The following PRDM11 variants were observed in gnomAD, a reference collection of about 807,000 sequenced individuals.
The protein encoded by PRDM11 is PR domain-containing protein 11.
A neutral mutation model predicts 97.8 loss-of-function variants in PRDM11; 20 were observed. The observed-to-expected ratio is 0.20, with a 90% CI of 0.14 to 0.30. PRDM11 has a LOEUF of 0.30. Ranked by LOEUF, PRDM11 falls within the 10% of genes least tolerant of loss-of-function variation. The pLI is 1.00. For synonymous variants in PRDM11, 599 were observed against 637.7 expected, an observed-to-expected ratio of 0.94 and a Z score of 0.91; for missense variants, 1,139 against 1,555.2, an observed-to-expected ratio of 0.73 and a Z score of 4.50.
chr11:45,197,453 G>A lies in PRDM11; in HGVS notation c.487-7258G>A, dbSNP rs2135778698. ...CATAGAGCCTATAGTTTACTGTATT[G>A]CATGCTTAAAAATTTGCTAAAAGGG... On this transcript the variant is annotated intron_variant, in intron 4 of 7. Coordinates refer to ENST00000683152, the MANE Select transcript of PRDM11 (RefSeq NM_001384648.1). Among the ~76,000 whole-genome samples, 2 of 152,172 alleles carry A rather than the reference G, an allele frequency of 1.3e-5. 1 individual carries two copies. Among genetic ancestry groups the A allele is most frequent in the South Asian group, 4.2e-4 (2 of 4,816 alleles).
chr11:45,142,156 C>G (rs369421127), upstream of PRDM11, among the ~76,000 whole-genome samples: 36 of 152,312 alleles, frequency 2.4e-4, no homozygotes, highest in East Asian at 6.0e-3. Flanking sequence ...GAAAACAAAT[C>G]AAGTTCCGGG....
At chr11:45,213,059 C>T in intron 5 of PRDM11, 1 of 447,656 alleles carries the variant, frequency 2.2e-6, no homozygotes, top group African/African-American at 2.0e-5. Flanking sequence ...CTAGTCTGCA[C>T]TAGGAGGAAG....
intron 6 of PRDM11, among the ~76,000 whole-genome samples, chr11:45,223,834 G>A (rs1854186898): frequency 1.3e-5 from 2 of 152,256 alleles, no homozygotes; most frequent in South Asian, 2.1e-4. Context: ...AAAGGTTGGG[G>A]GAGTTGATAC....
At chr11:45,199,243 C>G (rs1376269875) in intron 4 of PRDM11, among the ~76,000 whole-genome samples, 3 of 152,148 alleles carry the variant, frequency 2.0e-5, no homozygotes, top group Non-Finnish European at 4.4e-5. Flanking sequence ...GTGAGGAAGT[C>G]CTTTTTTCAG....
rs1590477573 is a variant in PRDM11, at chr11:45,224,692, C to G, written c.1218C>G (p.Pro406=). The G allele has an allele frequency of 3.7e-6, 6 of 1,614,192 alleles. No homozygotes were observed. The East Asian group carries it at 1.3e-4, about 36-fold the overall frequency. Residue 406 remains proline, a synonymous_variant, in exon 7 of 8, where the codon CCC becomes CCG. Coordinates refer to ENST00000683152, the MANE Select transcript of PRDM11 (RefSeq NM_001384648.1). ...TTGCATCTGACCCTCATGAACTTCC[C>G]ACCACCTCTTTTTGCCCTAACTGTA... The part of the protein sequence containing the change: ...ASLASDPHEL[P]TTSFCPNCIR...
rs371524798 is a variant in PRDM11 at position 45,160,630 on chromosome 11, C to T, written c.-7+13753C>T. On this transcript the variant is annotated intron_variant, in intron 1 of 7. Transcript: ENST00000683152. Reference sequence around the variant, plus strand: ...CCACACAGTAGGTTTTAGAAAGGATCGTCATTTAACCATCCCCCCACCACT... The same window carrying T: ...CCACACAGTAGGTTTTAGAAAGGATTGTCATTTAACCATCCCCCCACCACT... Among the ~76,000 whole-genome samples the T allele has an allele frequency of 4.6e-5, 7 of 152,316 alleles. No homozygotes were observed. In the South Asian group the frequency reaches 1.2e-3, roughly 27 times the overall value.
At position 45,180,428 on chromosome 11, in the gene PRDM11, C is replaced by T. The variant is rs560435390; in HGVS notation, c.-6-1333C>T. On this transcript the variant is annotated intron_variant, in intron 1 of 7. Coordinates refer to ENST00000683152, the MANE Select transcript of PRDM11 (RefSeq NM_001384648.1). ...GCTGGGGACACCCGCCCGGCCTCCGCGGCGCTGTCGCCCAGCCCTGGCACC... is the reference window on the plus strand; with the variant it reads ...GCTGGGGACACCCGCCCGGCCTCCGTGGCGCTGTCGCCCAGCCCTGGCACC... Among the ~76,000 whole-genome samples the T allele has an allele frequency of 3.0e-4, 46 of 152,122 alleles. No homozygotes were observed. In the Middle Eastern group the frequency reaches 0.01, roughly 34 times the overall value.
chr11:45,226,473 G>A lies in PRDM11; in HGVS notation c.1848G>A (p.Leu616=). 3 of 1,533,986 alleles carry A rather than the reference G, an allele frequency of 2.0e-6. No individual in the cohort carries two copies. The highest frequency in any genetic ancestry group is 2.6e-6 in the Non-Finnish European group (3 of 1,146,724). ...YLDFRPLAEL[L]RKCELKVVDQ... ...ACTTCCGGCCCCTGGCGGAGCTGCT[G>A]AGGAAGTGTGAGCTCAAGGTGGTGG... is the stretch of plus-strand genomic sequence containing the variant. Residue 616 remains leucine (L), a synonymous_variant, in exon 8 of 8, where the codon CTG becomes CTA. Coordinates refer to ENST00000683152, the MANE Select transcript of PRDM11 (RefSeq NM_001384648.1).
At chr11:45,096,674 C>T (rs1590333491) in intron 1 of PRDM11, among the ~76,000 whole-genome samples, 1 of 152,226 alleles carries the variant, frequency 6.6e-6, no homozygotes, top group African/African-American at 2.4e-5. Flanking sequence ...ACCTCCCAAG[C>T]AGCCTCTTCA....
chr11:45,173,131 G>A (rs1024025966), intron 1 of PRDM11, among the ~76,000 whole-genome samples: 1 of 152,196 alleles, frequency 6.6e-6, no homozygotes, highest in Non-Finnish European at 1.5e-5. Context: ...GGAGGGAGGT[G>A]GCATTGCTAG....
intron 1 of PRDM11, among the ~76,000 whole-genome samples, chr11:45,176,238 G>A (rs1466509512): frequency 6.6e-6 from 1 of 152,082 alleles, no homozygotes; most frequent in Non-Finnish European, 1.5e-5. Context: ...TTAGGCAGGT[G>A]TGGTGGCAGG....
chr11:45,121,697 T>C (rs1012244683), intron 1 of PRDM11, among the ~76,000 whole-genome samples: 1 of 152,130 alleles, frequency 6.6e-6, no homozygotes, highest in Non-Finnish European at 1.5e-5. Context: ...CAATGGGTCA[T>C]AAAGCAATTA....
chr11:45,179,413 TGAA>T (rs1217442419), intron 1 of PRDM11, among the ~76,000 whole-genome samples: 1 of 152,184 alleles, frequency 6.6e-6, no homozygotes, highest in African/African-American at 2.4e-5. Flanking sequence ...ATTTTCTAGA[TGAA>T]GAAATGAGAA....
intron 1 of PRDM11, among the ~76,000 whole-genome samples, chr11:45,171,077 T>TTTGTTG (rs370741198): frequency 1.3e-5 from 2 of 151,976 alleles, no homozygotes; most frequent in Admixed American, 1.3e-4. Flanking sequence ...TTATGGGTTT[T>TTTGTTG]TTGTTGTTGT....
chr11:45,127,850 T>C (rs923569109), intron 1 of PRDM11, among the ~76,000 whole-genome samples: 1 of 152,220 alleles, frequency 6.6e-6, no homozygotes, highest in Non-Finnish European at 1.5e-5. Flanking sequence ...TCCAGCTGCG[T>C]GCTGGGAGAA....
chr11:45,141,589 G>A (rs1176411047), intron 1 of PRDM11, among the ~76,000 whole-genome samples: 3 of 152,222 alleles, frequency 2.0e-5, no homozygotes, highest in Non-Finnish European at 2.9e-5. Context: ...GGTGCACACA[G>A]CCAGAGCCAC....
At chr11:45,185,846 T>C (rs1385617560) in intron 4 of PRDM11, among the ~76,000 whole-genome samples, 3 of 151,854 alleles carry the variant, frequency 2.0e-5, no homozygotes, top group East Asian at 1.9e-4. Context: ...AAGTTAAGGA[T>C]CTTGAGATGG....
intron 1 of PRDM11, among the ~76,000 whole-genome samples, chr11:45,117,170 C>T (rs1468386342): frequency 7.1e-6 from 1 of 140,612 alleles, no homozygotes; most frequent in African/African-American, 2.7e-5. Flanking sequence ...TGCAATGAGC[C>T]GAGATAATAC....
chr11:45,193,067 T>TTTTA (rs1852971326), intron 4 of PRDM11, among the ~76,000 whole-genome samples: 1 of 152,238 alleles, frequency 6.6e-6, no homozygotes, highest in Non-Finnish European at 1.5e-5. Flanking sequence ...CTGGGAAATC[T>TTTTA]TTTATTTATG....
Sources: allele counts gnomAD v4.1 joint callset (sites outside exome capture counted in the v4.1 genomes callset), GRCh38; gene constraint gnomAD v4.1.1; transcripts MANE v1.5; gene names NCBI Gene and HGNC (gene_info 2026-07-23, HGNC 2026-07-21).